The following AMBRA1 variants were observed in gnomAD, a reference collection of about 807,000 sequenced individuals.
AMBRA1 encodes autophagy and beclin 1 regulator 1.
AMBRA1 carries 47 observed loss-of-function variants against 125.4 expected under a neutral mutation model. The ratio of observed to expected loss-of-function variants is 0.37; its 90% CI spans 0.30 to 0.48. The LOEUF is 0.48. AMBRA1 is among the 20% of genes least tolerant of loss of function. AMBRA1 has a pLI of 0.99. For missense variants in AMBRA1, 1,331 were observed against 1,693.4 expected, an observed-to-expected ratio of 0.79 and a Z score of 3.76; for synonymous variants, 626 against 655.5, an observed-to-expected ratio of 0.95 and a Z score of 0.69.
At chr11:46,457,783 T>C (rs1948916857) in intron 11 of AMBRA1, among the ~76,000 whole-genome samples, 1 of 151,168 alleles carries the variant, frequency 6.6e-6, no homozygotes, top group African/African-American at 2.4e-5. Flanking sequence ...ATGTCTATAA[T>C]CCCAACTACT....
chr11:46,415,988 A>G lies in AMBRA1; in HGVS notation c.3116+1925T>C, dbSNP rs185665042. ...GACATAAAAACCTTTATGAGGCCAC[A>G]ACAAACTGGGTGTAGATTATTTTTG... On this transcript the variant is annotated intron_variant, in intron 15 of 17. Transcript: ENST00000683756. Among the ~76,000 whole-genome samples, 15 of 152,344 alleles carry G rather than the reference A, an allele frequency of 9.8e-5. No individual in the cohort carries two copies. In the East Asian group the frequency reaches 2.9e-3, roughly 29 times the overall value.
intron 11 of AMBRA1, among the ~76,000 whole-genome samples, chr11:46,486,298 A>AT (rs1483656523): frequency 6.6e-6 from 1 of 152,212 alleles, no homozygotes; most frequent in Non-Finnish European, 1.5e-5. Context: ...AACACCAGAA[A>AT]TATTATTCAT....
chr11:46,520,594 TTTTC>T (rs1292149133), intron 7 of AMBRA1, among the ~76,000 whole-genome samples: 2 of 150,562 alleles, frequency 1.3e-5, no homozygotes, highest in Admixed American at 6.6e-5. Flanking sequence ...TTTGTTTTTC[TTTTC>T]TTTTTTTTTT....
At chr11:46,523,367 A>T (rs562832757) in intron 7 of AMBRA1, among the ~76,000 whole-genome samples, 2 of 152,326 alleles carry the variant, frequency 1.3e-5, no homozygotes, top group South Asian at 4.1e-4. Flanking sequence ...CTGTCTAGAC[A>T]ACATGAAATT....
At chr11:46,545,815 G>A in intron 4 of AMBRA1, 39 bp from the exon 5 acceptor site, 1 of 1,603,206 alleles carries the variant, frequency 6.2e-7, no homozygotes, top group Non-Finnish European at 8.5e-7. Flanking sequence ...CAGGTTACAA[G>A]CTACCAGCAC....
chr11:46,544,413 G>A (rs1001806919), intron 5 of AMBRA1, among the ~76,000 whole-genome samples: 3 of 152,062 alleles, frequency 2.0e-5, no homozygotes, highest in Non-Finnish European at 2.9e-5. Context: ...CAGCTACACC[G>A]GCAAGAAGCA....
chr11:46,538,517 G>A (rs1016418683), intron 7 of AMBRA1, among the ~76,000 whole-genome samples: 2 of 151,554 alleles, frequency 1.3e-5, no homozygotes, highest in Non-Finnish European at 2.9e-5. Context: ...TTTTTTAGAC[G>A]GAGTCTTGCT....
At chr11:46,428,528 A>C (rs1590781981) in intron 14 of AMBRA1, 2 of 859,544 alleles carry the variant, frequency 2.3e-6, no homozygotes, top group East Asian at 5.3e-5. Context: ...TCAAGTTCCT[A>C]GTGCCTCTAG....
intron 1 of AMBRA1, among the ~76,000 whole-genome samples, chr11:46,551,774 T>C (rs551000011): frequency 6.6e-6 from 1 of 152,286 alleles, no homozygotes; most frequent in South Asian, 2.1e-4. Context: ...ATGCCTGTAA[T>C]CTCAGCACTT....
At chr11:46,426,906 AAAAAT>A (rs1454040765) in intron 14 of AMBRA1, among the ~76,000 whole-genome samples, 2 of 152,222 alleles carry the variant, frequency 1.3e-5, no homozygotes, top group African/African-American at 4.8e-5. Flanking sequence ...TCCAGGATAC[AAAAAT>A]AAAATATCAT....
intron 5 of AMBRA1, among the ~76,000 whole-genome samples, chr11:46,545,167 G>A (rs1322110759): frequency 2.1e-5 from 3 of 141,622 alleles, no homozygotes; most frequent in East Asian, 2.1e-4. Flanking sequence ...AAGCCGGGGG[G>A]GGGGGGGTGG....
At chr11:46,407,587 G>C (rs1443665045) in intron 17 of AMBRA1, among the ~76,000 whole-genome samples, 1 of 152,262 alleles carries the variant, frequency 6.6e-6, no homozygotes, top group Non-Finnish European at 1.5e-5. Context: ...AATGCAGGAG[G>C]TGGGCTGTGC....
At chr11:46,447,119 T>C (rs892983223) in intron 11 of AMBRA1, among the ~76,000 whole-genome samples, 1 of 152,006 alleles carries the variant, frequency 6.6e-6, no homozygotes, top group Admixed American at 6.6e-5. Context: ...AGACAATAAA[T>C]ACAAAGTGGT....
intron 11 of AMBRA1, among the ~76,000 whole-genome samples, chr11:46,482,580 A>G (rs1309540112): frequency 6.6e-6 from 1 of 152,024 alleles, no homozygotes; most frequent in Non-Finnish European, 1.5e-5. Context: ...ACAAGGAGAA[A>G]CCCTTGTTCC....
At chr11:46,566,450 A>T (rs534605502) in intron 1 of AMBRA1, among the ~76,000 whole-genome samples, 5 of 152,258 alleles carry the variant, frequency 3.3e-5, no homozygotes, top group African/African-American at 1.2e-4. Context: ...GCTATTGATA[A>T]TATAACTTGG....
At chr11:46,494,548 G>A in intron 9 of AMBRA1, 1 of 182,476 alleles carries the variant, frequency 5.5e-6, no homozygotes, top group Non-Finnish European at 1.2e-5. Flanking sequence ...CAAGAAAAAT[G>A]TGTCTTGGGG....
At chr11:46,494,242 TAAGGAAGA>T in intron 9 of AMBRA1, 38 bp from the exon 10 acceptor site, 2 of 1,514,538 alleles carry the variant, frequency 1.3e-6, no homozygotes, top group Non-Finnish European at 1.8e-6. Flanking sequence ...AGAGAGTCAC[TAAGGAAGA>T]ATCATCCACC....
intron 7 of AMBRA1, among the ~76,000 whole-genome samples, chr11:46,519,967 C>T (rs1170817998): frequency 6.6e-6 from 1 of 151,890 alleles, no homozygotes; most frequent in East Asian, 1.9e-4. Flanking sequence ...TGGAGAAACC[C>T]CGTCTCTACT....
At chr11:46,590,571 T>G (rs956796353) in intron 1 of AMBRA1, among the ~76,000 whole-genome samples, 1 of 152,120 alleles carries the variant, frequency 6.6e-6, no homozygotes, top group African/African-American at 2.4e-5. Flanking sequence ...ATAACTCTGT[T>G]CCAGCTTAAG....
Sources: allele counts gnomAD v4.1 joint callset (sites outside exome capture counted in the v4.1 genomes callset), GRCh38; gene constraint gnomAD v4.1.1; transcripts MANE v1.5; gene names NCBI Gene and HGNC (gene_info 2026-07-23, HGNC 2026-07-21).